LAMP1: variants seen among roughly 807,000 people sequenced by gnomAD.
LAMP1 encodes lysosome-associated membrane glycoprotein 1.
LAMP1 carries 7 observed loss-of-function variants against 37.5 expected under a neutral mutation model. That is an observed-to-expected ratio of 0.19 (90% CI 0.11 to 0.35). The LOEUF is 0.35. LAMP1 is among the 10% of genes least tolerant of loss of function. The probability of loss-of-function intolerance (pLI) is 1.00; values close to 1 mark genes in which losing one functional copy is unlikely to be tolerated. For synonymous variants in LAMP1, 236 were observed against 229.1 expected (o/e 1.03, Z -0.27); for missense variants, 537 against 552.8 (o/e 0.97, Z 0.29).
chr13:113,321,511 G>GCC lies in LAMP1; in HGVS notation c.943+42_943+43insCC, dbSNP rs765599864. The GCC allele has an allele frequency of 1.9e-6, 3 of 1,611,136 alleles. No individual in the cohort carries two copies. The highest frequency in any genetic ancestry group is 3.3e-5 in the Admixed American group (2 of 59,908). On this transcript the variant is annotated intron_variant, in intron 7 of 8. Coordinates refer to ENST00000332556, the MANE Select transcript of LAMP1 (RefSeq NM_005561.4). The surrounding 1 kb of genome is among the most constrained non-coding windows in gnomAD (Gnocchi z 5.6). ...CTCTGCGAGCCCCGCCCCCGCCCGCGCGCCCAGGGTATTCTGGAGCCACTA... is the reference window on the plus strand; with the variant it reads ...CTCTGCGAGCCCCGCCCCCGCCCGCGCCCGCCCAGGGTATTCTGGAGCCACTA...
intron 4 of LAMP1, among the ~76,000 whole-genome samples, chr13:113,314,237 C>G (rs372473243): frequency 2.6e-5 from 1 of 38,974 alleles, no homozygotes; most frequent in Non-Finnish European, 4.5e-5. Flanking sequence ...GGAACCAGTG[C>G]GGAGATGTCG....
chr13:113,316,331 G>A (rs182924878), intron 4 of LAMP1, among the ~76,000 whole-genome samples: 1 of 152,150 alleles, frequency 6.6e-6, no homozygotes, highest in African/African-American at 2.4e-5. Flanking sequence ...ATAGGTGCAC[G>A]CTTGTTGAAT....
chr13:113,307,448 C>A (rs7327241), intron 2 of LAMP1, among the ~76,000 whole-genome samples: 3 of 152,228 alleles, frequency 2.0e-5, no homozygotes, highest in Middle Eastern at 3.4e-3. Flanking sequence ...GTGAGCCACC[C>A]CTCCCAGCTC....
At chr13:113,309,158 A>G (rs2042615902) in intron 2 of LAMP1, among the ~76,000 whole-genome samples, 1 of 152,200 alleles carries the variant, frequency 6.6e-6, no homozygotes, top group South Asian at 2.1e-4. Flanking sequence ...GCTGGAGTGC[A>G]GTGGTGCAGT....
At chr13:113,310,007 TC>T (rs2042621268) in intron 3 of LAMP1, 145 bp downstream of exon 3, 3 of 649,808 alleles carry the variant, frequency 4.6e-6, no homozygotes, top group Non-Finnish European at 8.1e-6. Flanking sequence ...GGCAGACAGA[TC>T]ACTTGAGGTC....
chr13:113,311,991 G>A lies in LAMP1; in HGVS notation c.562+1124G>A, dbSNP rs2042633079. 1.3e-5 allele frequency among the ~76,000 whole-genome samples: 2 copies of A among 152,170 alleles called. 1 individual carries two copies. Reference sequence around the variant, plus strand: ...ATGTATGGAGACATCCCTTAGGGTGGGCTTTCCTGGCTGCTAGAAATATAT... The same window carrying A: ...ATGTATGGAGACATCCCTTAGGGTGAGCTTTCCTGGCTGCTAGAAATATAT... On this transcript the variant is annotated intron_variant, in intron 4 of 8. Coordinates refer to ENST00000332556, the MANE Select transcript of LAMP1 (RefSeq NM_005561.4).
chr13:113,300,486 C>CAAAAAAAAAAA (rs781688099), intron 1 of LAMP1, among the ~76,000 whole-genome samples: 6 of 60,188 alleles, frequency 1.0e-4, no homozygotes, highest in Non-Finnish European at 1.8e-4. Flanking sequence ...AACTCAATGT[C>CAAAAAAAAAAA]AAAAAAAAAA....
rs745772477 is a variant in LAMP1 at position 113,309,774 on chromosome 13, G to A, written c.315G>A (p.Thr105=). 1.4e-5 allele frequency: 23 copies of A among 1,614,028 alleles called. No individual in the cohort carries two copies. Among genetic ancestry groups the A allele is most frequent in the East Asian group, 6.7e-5 (3 of 44,894 alleles). ...GACATACACTCACTCTCAATTTCAC[G>A]AGAAATGCAACACGTTACAGCGTCC... ...GRGHTLTLNF[T]RNATRYSVQL... is the part of the protein sequence containing the mutation. The change falls in exon 3 of 9, where the codon ACG becomes ACA. Residue 105 remains threonine (T), a synonymous_variant. Transcript: ENST00000332556.
intron 1 of LAMP1, among the ~76,000 whole-genome samples, chr13:113,304,639 C>G (rs564958974): frequency 6.6e-6 from 1 of 151,622 alleles, no homozygotes; most frequent in East Asian, 1.9e-4. Context: ...GTTTCATTGT[C>G]GTGTAGCACC....
chr13:113,314,950 A>G (rs1223315273), intron 4 of LAMP1, among the ~76,000 whole-genome samples: 26 of 77,072 alleles, frequency 3.4e-4, no homozygotes, highest in Admixed American at 6.1e-4. Flanking sequence ...CCTGGAGGGA[A>G]CCAGTGTGGA....
intron 2 of LAMP1, 66 bp downstream of exon 2, chr13:113,306,672 A>G: frequency 1.3e-6 from 2 of 1,564,630 alleles, no homozygotes; most frequent in Non-Finnish European, 1.7e-6. Context: ...TAACATTTCA[A>G]CCAAGTCTTT....
At chr13:113,301,635 AAAAAAAAAAAT>A (rs1566396721) in intron 1 of LAMP1, among the ~76,000 whole-genome samples, 4 of 22,310 alleles carry the variant, frequency 1.8e-4, no homozygotes, top group African/African-American at 5.7e-4. Context: ...TTTAAAAAAA[AAAAAAAAAAAT>A]ATATATATAT....
intron 4 of LAMP1, among the ~76,000 whole-genome samples, chr13:113,317,563 G>A (rs553990611): frequency 9.2e-5 from 14 of 152,314 alleles, no homozygotes; most frequent in South Asian, 2.1e-4. Context: ...TCAAAGCAGC[G>A]TAGGTTACAC....
At chr13:113,300,192 T>G (rs1160394373) in intron 1 of LAMP1, among the ~76,000 whole-genome samples, 1 of 152,138 alleles carries the variant, frequency 6.6e-6, no homozygotes, top group Non-Finnish European at 1.5e-5. Context: ...TGAACAATTT[T>G]ATACTCGGCT....
At chr13:113,301,702 CA>C (rs2042575382) in intron 1 of LAMP1, among the ~76,000 whole-genome samples, 1 of 142,266 alleles carries the variant, frequency 7.0e-6, no homozygotes, top group East Asian at 2.0e-4. Context: ...TTTACACACA[CA>C]CACACTTATA....
At chr13:113,298,400 C>G (rs961648196) in intron 1 of LAMP1, among the ~76,000 whole-genome samples, 3 of 150,220 alleles carry the variant, frequency 2.0e-5, no homozygotes, top group Admixed American at 6.7e-5. Context: ...ACTATTCTTT[C>G]ACCTCCTCCC....
rs2042692666 is a variant in LAMP1 at position 113,320,543 on chromosome 13, C to T, written c.876+73C>T. The T allele has an allele frequency of 2.0e-6, 3 of 1,528,190 alleles. No individual in the cohort carries two copies. Among genetic ancestry groups the T allele is most frequent in the Admixed American group, 3.8e-5 (2 of 53,044 alleles). 94.7% of individuals were successfully genotyped at this position (1,528,190 alleles called of 1,614,324 possible). On this transcript the variant is annotated intron_variant, in intron 6 of 8. Transcript: ENST00000332556. The surrounding 1 kb of genome is among the most constrained non-coding windows in gnomAD (Gnocchi z 4.4). ...CACATCTTTTTGTGCCCTGGGTCTG[C>T]TCATGGGAGGCAGCGTTAGGAAGGA...
intron 4 of LAMP1, among the ~76,000 whole-genome samples, chr13:113,312,196 G>C (rs1283560848): frequency 6.6e-6 from 1 of 152,214 alleles, no homozygotes; most frequent in Non-Finnish European, 1.5e-5. Context: ...ATGGTGCTGG[G>C]CCGGTCTTGC....
At chr13:113,308,324 C>CTTTT (rs71101565) in intron 2 of LAMP1, among the ~76,000 whole-genome samples, 1,197 of 60,232 alleles carry the variant, frequency 0.02, 37 homozygotes, top group African/African-American at 0.03. Context: ...CCTCCAAGCA[C>CTTTT]TTTTTTTTTT....
Sources: allele counts gnomAD v4.1 joint callset (sites outside exome capture counted in the v4.1 genomes callset), GRCh38; gene constraint gnomAD v4.1.1; non-coding constraint Gnocchi (gnomAD v3.1); transcripts MANE v1.5; gene names NCBI Gene and HGNC (gene_info 2026-07-23, HGNC 2026-07-21).